Variants in ZDHHC11B observed in about 807,000 individuals in gnomAD.
The protein encoded by ZDHHC11B is probable palmitoyltransferase ZDHHC11B.
In ZDHHC11B, 17 loss-of-function variants were observed where a neutral mutation model predicts 42.3. That is an observed-to-expected ratio of 0.40 (90% CI 0.27 to 0.60). The LOEUF (loss-of-function observed/expected upper bound fraction) is 0.60, where lower values mean the gene tolerates loss of function less well. Among genes scored for constraint, ZDHHC11B ranks in the 20% least tolerant of loss-of-function variants. The probability of loss-of-function intolerance (pLI) is 0.41; values close to 1 mark genes in which losing one functional copy is unlikely to be tolerated. For synonymous variants in ZDHHC11B, 123 were observed against 193.5 expected, an observed-to-expected ratio of 0.64 and a Z score of 3.02; for missense variants, 262 against 463.2, an observed-to-expected ratio of 0.57 and a Z score of 3.99.
At chr5:722,162 T>C (rs1742239278) in intron 12 of ZDHHC11B, among the ~76,000 whole-genome samples, 1 of 151,876 alleles carries the variant, frequency 6.6e-6, no homozygotes, top group Admixed American at 6.6e-5. Context: ...AAAAGATTCA[T>C]TAATCAAGAC....
At chr5:775,478 A>G (rs1736399814) in intron 1 of ZDHHC11B, among the ~76,000 whole-genome samples, 1 of 151,994 alleles carries the variant, frequency 6.6e-6, no homozygotes. Flanking sequence ...CCCGAAGGCA[A>G]GCATTCCTTG....
At chr5:766,240 C>G (rs1735336846) in intron 4 of ZDHHC11B, among the ~76,000 whole-genome samples, 1 of 151,840 alleles carries the variant, frequency 6.6e-6, no homozygotes, top group Non-Finnish European at 1.5e-5. Flanking sequence ...GTCCCCTACC[C>G]ACTGGGAGAC....
chr5:778,263 C>T (rs1459103590), intron 1 of ZDHHC11B, among the ~76,000 whole-genome samples: 5 of 151,852 alleles, frequency 3.3e-5, no homozygotes, highest in Non-Finnish European at 2.9e-5. Context: ...ATAGAGATCC[C>T]GGCTGGCTCA....
intron 1 of ZDHHC11B, among the ~76,000 whole-genome samples, chr5:784,016 G>T (rs1343792690): frequency 2.6e-5 from 4 of 151,386 alleles, no homozygotes; most frequent in Non-Finnish European, 4.4e-5. Flanking sequence ...TGCTCCCAGG[G>T]GTGCGGGAAG....
intron 9 of ZDHHC11B, among the ~76,000 whole-genome samples, chr5:742,923 A>G (rs1424834196): frequency 6.7e-6 from 1 of 149,422 alleles, no homozygotes; most frequent in Non-Finnish European, 1.5e-5. Flanking sequence ...AAGATCACAG[A>G]GATTTCATTC....
chr5:773,594 C>A (rs1736230016), intron 1 of ZDHHC11B, among the ~76,000 whole-genome samples: 1 of 151,878 alleles, frequency 6.6e-6, no homozygotes, highest in African/African-American at 2.4e-5. Flanking sequence ...TGGCTTGCAT[C>A]CAGGTGTGCA....
chr5:760,091 G>T (rs186633894), intron 4 of ZDHHC11B, among the ~76,000 whole-genome samples: 59 of 151,620 alleles, frequency 3.9e-4, no homozygotes, highest in African/African-American at 1.3e-3. Flanking sequence ...GCCACAGAGG[G>T]TTCACCTACC....
rs549891103 is a variant in ZDHHC11B at position 762,093 on chromosome 5, C to G, written c.222+4605G>C. Among the ~76,000 whole-genome samples, 321 of 145,416 alleles carry G rather than the reference C, an allele frequency of 2.2e-3. 1 individual carries two copies. Among genetic ancestry groups the G allele is most frequent in the Admixed American group, 4.3e-3 (63 of 14,516 alleles). On this transcript the variant is annotated intron_variant, in intron 4 of 13. Transcript: ENST00000508859. ...AGACAGCCACTCACAGCCCAGACAG[C>G]CACTCATGGCCCCAGACAGTCACTC...
intron 4 of ZDHHC11B, among the ~76,000 whole-genome samples, chr5:757,742 G>A (rs1309484937): frequency 2.6e-5 from 4 of 151,848 alleles, no homozygotes; most frequent in Admixed American, 1.3e-4. Context: ...GACTCTGTGT[G>A]TGCAGACATG....
At chr5:776,527 G>T (rs1325542916) in intron 1 of ZDHHC11B, among the ~76,000 whole-genome samples, 2 of 151,858 alleles carry the variant, frequency 1.3e-5, no homozygotes, top group Non-Finnish European at 2.9e-5. Context: ...GGCCCACGCA[G>T]TGTGCTCCTG....
chr5:756,192 T>C (rs367198), intron 4 of ZDHHC11B, 48 bp from the exon 5 acceptor site: 1,033,068 of 1,324,502 alleles, frequency 0.78, 416,417 homozygotes, highest in East Asian at 0.98. Flanking sequence ...CAGCCTGGCA[T>C]GAGGCGTCCC....
At chr5:720,368 A>C (rs1213602224) in intron 12 of ZDHHC11B, among the ~76,000 whole-genome samples, 1 of 151,836 alleles carries the variant, frequency 6.6e-6, no homozygotes, top group Non-Finnish European at 1.5e-5. Context: ...GTGGGGTGAC[A>C]TATTTAAATG....
chr5:761,316 A>T (rs1734581894), intron 4 of ZDHHC11B, among the ~76,000 whole-genome samples: 3 of 151,844 alleles, frequency 2.0e-5, no homozygotes, highest in Admixed American at 2.0e-4. Context: ...CCCTCACTGC[A>T]GGACACCCGG....
chr5:765,898 C>T lies in ZDHHC11B; in HGVS notation c.222+800G>A, dbSNP rs533721935. Among the ~76,000 whole-genome samples, 14 of 151,940 alleles carry T rather than the reference C, an allele frequency of 9.2e-5. 1 individual carries two copies. Among genetic ancestry groups the T allele is most frequent in the Middle Eastern group, 3.2e-3 (1 of 316 alleles). ...TGGTGAGACCAAGAACCCACCAGTT[C>T]CGGACACAGTGTCACCACTTCCCCA... is the stretch of plus-strand genomic sequence containing the variant. On this transcript the variant is annotated intron_variant, in intron 4 of 13. Transcript: ENST00000508859.
intron 7 of ZDHHC11B, among the ~76,000 whole-genome samples, chr5:750,493 G>A (rs1392799963): frequency 7.7e-6 from 1 of 130,474 alleles, no homozygotes; most frequent in Non-Finnish European, 1.7e-5. Context: ...GGCTCCCTGG[G>A]ACATCCCAGC....
At position 752,483 on chromosome 5, in the gene ZDHHC11B, T is replaced by A. The variant is rs548326541; in HGVS notation, c.504-1226A>T. On this transcript the variant is annotated intron_variant, in intron 6 of 13. Coordinates refer to ENST00000508859, the MANE Select transcript of ZDHHC11B (RefSeq NM_001351303.2). ...CCATCTTCCCTTGGTCTTTCTGCCATGATGATATTTTTTTTAAAGTATCCT... is the reference window on the plus strand; with the variant it reads ...CCATCTTCCCTTGGTCTTTCTGCCAAGATGATATTTTTTTTAAAGTATCCT... 3.9e-4 allele frequency among the ~76,000 whole-genome samples: 33 copies of A among 85,214 alleles called. 1 individual carries two copies. Among genetic ancestry groups the A allele is most frequent in the African/African-American group, 1.0e-3 (32 of 30,626 alleles). The allele number at this position is 85,214 out of a possible 152,430, so 55.9% of individuals were successfully genotyped here.
In ZDHHC11B at chr5:718,589, G is replaced by A. The variant is rs1380174177; in HGVS notation, c.1059-1724C>T. ...TGAGTGCCTGTAGTCCCAGTTACTCGGGAGGCTGAGGCAGGAGAATGGTGT... is the reference window on the plus strand; with the variant it reads ...TGAGTGCCTGTAGTCCCAGTTACTCAGGAGGCTGAGGCAGGAGAATGGTGT... On this transcript the variant is annotated intron_variant, in intron 12 of 13. Transcript: ENST00000508859. Among the ~76,000 whole-genome samples, 7 of 151,430 alleles carry A rather than the reference G, an allele frequency of 4.6e-5. No individual in the cohort carries two copies. The East Asian group carries it at 1.2e-3, about 25-fold the overall frequency.
intron 3 of ZDHHC11B, 117 bp from the exon 4 acceptor site, chr5:767,036 C>T: frequency 7.7e-7 from 1 of 1,291,914 alleles, no homozygotes; most frequent in South Asian, 1.4e-5. Flanking sequence ...GCACTGACAG[C>T]CAATGGCCCA....
chr5:718,868 T>C (rs1224181066), intron 12 of ZDHHC11B, among the ~76,000 whole-genome samples: 2 of 151,670 alleles, frequency 1.3e-5, no homozygotes, highest in African/African-American at 4.9e-5. Context: ...TCAGGGACCT[T>C]GTCCTCAATA....
Sources: allele counts gnomAD v4.1 joint callset (sites outside exome capture counted in the v4.1 genomes callset), GRCh38; gene constraint gnomAD v4.1.1; transcripts MANE v1.5; gene names NCBI Gene and HGNC (gene_info 2026-07-23, HGNC 2026-07-21).